The following CTTN variants were observed in gnomAD, a reference collection of about 807,000 sequenced individuals.
CTTN encodes the protein cortactin.
CTTN carries 28 observed loss-of-function variants against 84.0 expected under a neutral mutation model. The ratio of observed to expected loss-of-function variants is 0.33; its 90% CI spans 0.25 to 0.46. CTTN has a LOEUF of 0.46. CTTN is among the 20% of genes least tolerant of loss of function. CTTN has a pLI of 1.00. For missense variants in CTTN, 641 were observed against 723.8 expected, an observed-to-expected ratio of 0.89 and a Z score of 1.31; for synonymous variants, 301 against 288.8, an observed-to-expected ratio of 1.04 and a Z score of -0.43.
chr11:70,433,261 C>A lies in CTTN; in HGVS notation c.1427C>A (p.Pro476Gln). The change falls in exon 16 of 18, where the codon CCG becomes CAG. Residue 476 changes from proline to glutamine, a missense_variant. Physicochemically the swap from Pro to Gln is moderately conservative, Grantham distance 76. Transcript: ENST00000301843. ...TEAVYESAEA[P>Q]GHYPAEDSTY... ...GCTGTCTATGAAAGCGCAGAGGCCC[C>A]GGGCCACTATCCCGCAGGTACTGGG... 1 of 1,611,174 alleles carries A rather than the reference C, an allele frequency of 6.2e-7. No individual in the cohort carries two copies.
chr11:70,400,981 CATAG>C (rs2135544095), intron 1 of CTTN, among the ~76,000 whole-genome samples: 1 of 152,310 alleles, frequency 6.6e-6, no homozygotes, highest in Non-Finnish European at 1.5e-5. Context: ...CCTGCTCTGC[CATAG>C]ATGCTGAGGC....
chr11:70,427,639 G>C (rs974025853), intron 13 of CTTN, among the ~76,000 whole-genome samples: 1 of 152,264 alleles, frequency 6.6e-6, no homozygotes, highest in East Asian at 1.9e-4. Context: ...GGTCCTGCAG[G>C]CCGGCTCCTC....
At chr11:70,415,574 A>G (rs1380036041) in intron 6 of CTTN, 89 bp from the exon 7 acceptor site, 4 of 1,207,274 alleles carry the variant, frequency 3.3e-6, no homozygotes, top group Non-Finnish European at 4.9e-6. Flanking sequence ...ATATTTTTTT[A>G]AATGTCATGT....
At position 70,414,680 on chromosome 11, in the gene CTTN, CA is replaced by C. The variant is rs755645690; in HGVS notation, c.402+29del. The C allele has an allele frequency of 4.4e-5, 69 of 1,554,000 alleles. No homozygotes were observed. In the African/African-American group the frequency reaches 8.4e-4, roughly 19 times the overall value. ...GAGTGATGTGGCACTGGGACTGGGGCAGGTTGGGGCAAGGGGGGCGTTCCCC... is the reference window on the plus strand; with the variant it reads ...GAGTGATGTGGCACTGGGACTGGGGCGGTTGGGGCAAGGGGGGCGTTCCCC... On this transcript the variant is annotated intron_variant, in intron 6 of 17. Transcript: ENST00000301843.
intron 10 of CTTN, 91 bp from the exon 11 acceptor site, chr11:70,421,379 G>A (rs766899936): frequency 8.7e-6 from 8 of 915,528 alleles, no homozygotes; most frequent in Non-Finnish European, 1.3e-5. Context: ...TCTGGAAACT[G>A]TGTTTGATTT....
intron 14 of CTTN, 87 bp from the exon 15 acceptor site, chr11:70,431,104 C>A: frequency 1.5e-6 from 2 of 1,360,558 alleles, no homozygotes; most frequent in Non-Finnish European, 2.1e-6. Context: ...ATGCCTAGAG[C>A]TTGCACACGA....
chr11:70,435,423 G>T lies in CTTN; in HGVS notation c.*261G>T. ...TTGGTAATTGGTTTTATGCATTGAT[G>T]GTTTTTTTTTTCTTTTTTGCCAAAT... On this transcript the variant is annotated 3_prime_UTR_variant, in exon 18 of 18. Transcript: ENST00000301843. The T allele has an allele frequency of 6.6e-7, 1 of 1,507,752 alleles. No individual in the cohort carries two copies. Among genetic ancestry groups the T allele is most frequent in the Non-Finnish European group, 8.8e-7 (1 of 1,139,502 alleles). 93.4% of individuals were successfully genotyped at this position (1,507,752 alleles called of 1,614,324 possible). A position where few individuals can be genotyped will look rare whatever the true frequency, so the allele number is the denominator to read the frequency against.
chr11:70,411,334 G>A lies in CTTN; in HGVS notation c.291+1374G>A, dbSNP rs1353378110. On this transcript the variant is annotated intron_variant, in intron 5 of 17. Transcript: ENST00000301843. ...ATGTGTTCAGTGCAGCGAGCGAAGC[G>A]TGTGCACACGGACAGACGGAATCCA... is the stretch of plus-strand genomic sequence containing the variant. 3.1e-3 allele frequency among the ~76,000 whole-genome samples: 378 copies of A among 122,762 alleles called. 2 individuals carry two copies. Among genetic ancestry groups the A allele is most frequent in the Non-Finnish European group, 5.3e-3 (312 of 58,688 alleles). 80.5% of individuals were successfully genotyped at this position (122,762 alleles called of 152,430 possible).
chr11:70,421,862 G>T, intron 11 of CTTN: 1 of 403,024 alleles, frequency 2.5e-6, no homozygotes, highest in Non-Finnish European at 4.5e-6. Flanking sequence ...CCAGTCTCTG[G>T]ACTGGGGCAT....
chr11:70,415,461 C>T (rs1186837467), intron 6 of CTTN, among the ~76,000 whole-genome samples: 1 of 152,230 alleles, frequency 6.6e-6, no homozygotes, highest in African/African-American at 2.4e-5. Context: ...GCGCCGCCCA[C>T]TGGGCCTTGC....
chr11:70,401,565 T>C (rs147836779), intron 1 of CTTN, among the ~76,000 whole-genome samples: 3,692 of 151,978 alleles, frequency 0.024, 153 homozygotes, highest in African/African-American at 0.085. Flanking sequence ...GGAGAATCGC[T>C]TGAACCCAGG....
chr11:70,414,543 C>T lies in CTTN; in HGVS notation c.293C>T (p.Ser98Leu), dbSNP rs778538142. ...CTTTGTGTTTGAACCCTGTTCCAGT[C>T]AGCTGTCGGCCACGAATATCAGTCG... ...FGVEQDRMDKSAVGHEYQSKL... is the reference protein window; with the variant it reads ...FGVEQDRMDKLAVGHEYQSKL... The change falls in exon 6 of 18, where the codon TCA becomes TTA. Residue 98 changes from serine to leucine, a missense_variant and splice_region_variant. Physicochemically the swap from Ser to Leu is moderately radical, Grantham distance 145 (BLOSUM62 -2). Around this residue, in one of 3 missense-constraint regions of CTTN, gnomAD observed 284 missense variants for 348.4 expected, o/e 0.82. Transcript: ENST00000301843. The T allele has an allele frequency of 3.1e-6, 5 of 1,613,052 alleles. No homozygotes were observed. Among genetic ancestry groups the T allele is most frequent in the Non-Finnish European group, 4.2e-6 (5 of 1,179,102 alleles).
In CTTN at chr11:70,407,308, C is replaced by T; in HGVS notation, c.11C>T (p.Ala4Val). The T allele has an allele frequency of 6.4e-7, 1 of 1,551,170 alleles. No individual in the cohort carries two copies. The highest frequency in any genetic ancestry group is 8.7e-7 in the Non-Finnish European group (1 of 1,147,430). ...CGGCTGCTCTTTCAGATGTGGAAAG[C>T]TTCAGCAGGCCACGCTGTGTCCATC... The part of the protein sequence containing the change: MWK[A>V]SAGHAVSIAQ... The change falls in exon 3 of 18, where the codon GCT becomes GTT. Residue 4 changes from alanine to valine, a missense_variant. Ala to Val is a moderately conservative substitution (Grantham distance 64, BLOSUM62 0). Around this residue, in one of 3 missense-constraint regions of CTTN, gnomAD observed 284 missense variants for 348.4 expected, o/e 0.82. Coordinates refer to ENST00000301843, the MANE Select transcript of CTTN (RefSeq NM_005231.4).
At chr11:70,401,995 T>C (rs781038812) in intron 1 of CTTN, among the ~76,000 whole-genome samples, 2 of 149,824 alleles carry the variant, frequency 1.3e-5, no homozygotes, top group Non-Finnish European at 3.0e-5. Context: ...CTACTAAAAA[T>C]ACAAAAAATT....
chr11:70,421,012 C>G (rs2058230089), intron 10 of CTTN, among the ~76,000 whole-genome samples: 1 of 152,202 alleles, frequency 6.6e-6, no homozygotes, highest in African/African-American at 2.4e-5. Context: ...AATGGGTGCC[C>G]CTTCCCTGGA....
intron 17 of CTTN, 51 bp downstream of exon 17, chr11:70,433,769 G>C (rs756359151): frequency 2.2e-5 from 25 of 1,134,918 alleles, no homozygotes; most frequent in Admixed American, 6.8e-5. Flanking sequence ...AGCTGCGCCT[G>C]CCTCTGCTTG....
chr11:70,420,104 G>T (rs556726517), intron 9 of CTTN: 2 of 598,368 alleles, frequency 3.3e-6, no homozygotes, highest in Admixed American at 6.2e-5. Context: ...CCGCACGTCT[G>T]TGTTGCCCGT....
At chr11:70,434,158 C>T (rs925846641) in intron 17 of CTTN, among the ~76,000 whole-genome samples, 8 of 152,346 alleles carry the variant, frequency 5.3e-5, no homozygotes, top group South Asian at 2.1e-4. Flanking sequence ...GTTCCCTTTG[C>T]GGCCTTGGCA....
Position 70,419,826 on chromosome 11 carries a change from G to C in CTTN, c.649G>C (p.Gly217Arg). The C allele has an allele frequency of 6.2e-7, 1 of 1,613,428 alleles. No individual in the cohort carries two copies. Among genetic ancestry groups the C allele is most frequent in the Non-Finnish European group, 8.5e-7 (1 of 1,179,882 alleles). ...DKSAVGFEYQGKTEKHESQKD... is the reference protein window; with the variant it reads ...DKSAVGFEYQRKTEKHESQKD... ...GAGCGCCGTTGGCTTTGAGTATCAA[G>C]GCAAAACGGAGAAGCACGAGTCCCA... The change falls in exon 9 of 18, where the codon GGC (glycine) becomes CGC (arginine). Residue 217 changes from glycine (G) to arginine (R), a missense_variant. This residue lies in a region of CTTN where 284 missense variants were observed against 348.4 expected (regional missense o/e 0.82). Coordinates refer to ENST00000301843, the MANE Select transcript of CTTN (RefSeq NM_005231.4).
Sources: gnomAD v4.1 joint callset for allele counts (sites outside exome capture counted in the v4.1 genomes callset) on GRCh38, gnomAD v4.1.1 for gene constraint, gnomAD v4.1.1 regional missense constraint, MANE v1.5 for transcripts, NCBI Gene and HGNC (gene_info 2026-07-23, HGNC 2026-07-21) for gene names.